Variants in SOX6 observed in about 807,000 individuals in gnomAD.
SOX6 encodes SRY-box transcription factor 6.
In SOX6, 11 loss-of-function variants were observed where a neutral mutation model predicts 97.8. That is an observed-to-expected ratio of 0.11 (90% CI 0.07 to 0.19). The LOEUF (loss-of-function observed/expected upper bound fraction) is 0.19. Ranked by LOEUF, SOX6 falls within the 10% of genes least tolerant of loss-of-function variation. SOX6 has a pLI of 1.00. For synonymous variants in SOX6, 360 were observed against 371.4 expected (o/e 0.97, Z 0.35); for missense variants, 810 against 1,039.5 (o/e 0.78, Z 3.04).
intron 4 of SOX6, among the ~76,000 whole-genome samples, chr11:16,589,914 C>G (rs56224844): frequency 0.016 from 2,385 of 152,206 alleles, 102 homozygotes; most frequent in Non-Finnish European, 0.013. Context: ...TGTGAAACCT[C>G]TTTGAAATTC....
intron 1 of SOX6, among the ~76,000 whole-genome samples, chr11:16,349,374 T>G (rs918142087): frequency 6.6e-6 from 1 of 152,046 alleles, no homozygotes; most frequent in Non-Finnish European, 1.5e-5. Flanking sequence ...CCCAGCACTT[T>G]GGGAAGCTAA....
At chr11:16,358,537 C>T (rs943845626), upstream of SOX6, among the ~76,000 whole-genome samples, 1 of 151,992 alleles carries the variant, frequency 6.6e-6, no homozygotes, top group Admixed American at 6.6e-5. Context: ...ATTCATGTGG[C>T]AGAGCATCAA....
At chr11:16,513,668 G>A (rs930946245) in intron 4 of SOX6, among the ~76,000 whole-genome samples, 1 of 151,952 alleles carries the variant, frequency 6.6e-6, no homozygotes, top group Non-Finnish European at 1.5e-5. Context: ...ACCAGCAAAC[G>A]ATGTAAGGGG....
chr11:16,073,155 T>C (rs1022868438), intron 9 of SOX6, among the ~76,000 whole-genome samples: 1 of 152,124 alleles, frequency 6.6e-6, no homozygotes, highest in Admixed American at 6.5e-5. Context: ...AGTGGCACAT[T>C]GGATAAAGAA....
chr11:16,074,486 A>G (rs779554003), intron 9 of SOX6, among the ~76,000 whole-genome samples: 1 of 152,214 alleles, frequency 6.6e-6, no homozygotes, highest in South Asian at 2.1e-4. Flanking sequence ...GGATTTACAG[A>G]TGGATTCACA....
chr11:16,193,331 C>T (rs539471640), intron 4 of SOX6, among the ~76,000 whole-genome samples: 1 of 151,914 alleles, frequency 6.6e-6, no homozygotes, highest in African/African-American at 2.4e-5. Flanking sequence ...ATGATTGCAT[C>T]GCTGCACCCC....
intron 4 of SOX6, among the ~76,000 whole-genome samples, chr11:16,486,247 C>T (rs1393762686): frequency 6.6e-6 from 1 of 151,960 alleles, no homozygotes; most frequent in Non-Finnish European, 1.5e-5. Flanking sequence ...GACAACCTGA[C>T]CAAAATCAAA....
chr11:16,157,680 T>A (rs1850638477), intron 6 of SOX6, among the ~76,000 whole-genome samples: 1 of 152,048 alleles, frequency 6.6e-6, no homozygotes, highest in Non-Finnish European at 1.5e-5. Context: ...TCCTTCAATA[T>A]CTGGTGCATA....
intron 13 of SOX6, among the ~76,000 whole-genome samples, chr11:16,003,922 T>C (rs558621268): frequency 4.5e-4 from 69 of 151,976 alleles, no homozygotes; most frequent in Admixed American, 1.6e-3. Context: ...TAGAAAAACC[T>C]TGGAAGGATG....
At chr11:16,013,291 A>G (rs1320669686) in intron 13 of SOX6, among the ~76,000 whole-genome samples, 1 of 152,038 alleles carries the variant, frequency 6.6e-6, no homozygotes, top group East Asian at 1.9e-4. Flanking sequence ...TATGGTCAAC[A>G]ATTTAGGTAC....
chr11:16,031,865 A>G (rs567744695), intron 12 of SOX6, among the ~76,000 whole-genome samples: 1 of 152,266 alleles, frequency 6.6e-6, no homozygotes, highest in African/African-American at 2.4e-5. Context: ...GCAGAGACAA[A>G]GAAGTGTGGA....
At chr11:16,077,156 G>A (rs1220517394) in intron 9 of SOX6, among the ~76,000 whole-genome samples, 3 of 152,154 alleles carry the variant, frequency 2.0e-5, no homozygotes, top group Admixed American at 2.0e-4. Context: ...CCTCTGACCA[G>A]GTCCTTCTTC....
intron 2 of SOX6, among the ~76,000 whole-genome samples, chr11:16,721,880 G>A (rs959571019): frequency 1.4e-4 from 21 of 151,644 alleles, no homozygotes; most frequent in African/African-American, 5.1e-4. Flanking sequence ...CCAGAAATAA[G>A]GCTGCACATC....
chr11:16,594,683 G>GTTTTTTTTTTT (rs1565188995), intron 4 of SOX6, among the ~76,000 whole-genome samples: 9 of 47,808 alleles, frequency 1.9e-4, no homozygotes, highest in African/African-American at 6.4e-4. Context: ...TTCGGTTTTT[G>GTTTTTTTTTTT]CTTTTTTTTT....
At chr11:16,511,503 G>GTTTTGT (rs910802698) in intron 4 of SOX6, among the ~76,000 whole-genome samples, 7 of 152,008 alleles carry the variant, frequency 4.6e-5, no homozygotes, top group Non-Finnish European at 8.8e-5. Flanking sequence ...GGCTTTACCT[G>GTTTTGT]TTTTGTTTTT....
At chr11:16,089,288 C>CG (rs1003745355) in intron 9 of SOX6, among the ~76,000 whole-genome samples, 12 of 151,942 alleles carry the variant, frequency 7.9e-5, no homozygotes, top group Admixed American at 7.9e-4. Context: ...TTTAGAAAAC[C>CG]GGGGGGAAAG....
At chr11:16,129,402 C>A (rs1165704993) in intron 6 of SOX6, among the ~76,000 whole-genome samples, 4 of 151,990 alleles carry the variant, frequency 2.6e-5, no homozygotes, top group Non-Finnish European at 5.9e-5. Flanking sequence ...ACATTAAAAT[C>A]TTCTATTATT....
rs181588361 is a variant in SOX6, at chr11:16,128,806, G to A, written c.778-16883C>T. On this transcript the variant is annotated intron_variant, in intron 6 of 15. Transcript: ENST00000683767. ...GACATAACCTGGTGACTAGATATGCGAATTCCAAGTTCAGGAATTTTCATT... is the reference window on the plus strand; with the variant it reads ...GACATAACCTGGTGACTAGATATGCAAATTCCAAGTTCAGGAATTTTCATT... Among the ~76,000 whole-genome samples, 210 of 152,158 alleles carry A rather than the reference G, an allele frequency of 1.4e-3. 1 individual carries two copies. Among genetic ancestry groups the A allele is most frequent in the African/African-American group, 3.4e-3 (140 of 41,532 alleles).
Position 16,734,474 on chromosome 11 carries a change from T to C in SOX6, n.353+1865A>G, listed in dbSNP as rs574154605. Among the ~76,000 whole-genome samples, 4 of 152,318 alleles carry C rather than the reference T, an allele frequency of 2.6e-5. No homozygotes were observed. The East Asian group carries it at 5.8e-4, about 22-fold the overall frequency. ...ATGTCTACCTTCTAACCTCAGGCTC[T>C]TCTTCCTCATTCTATCCTTAAATCT... On this transcript the variant is annotated intron_variant and non_coding_transcript_variant, in intron 2 of 5. Transcript: ENST00000524520.
Sources: gnomAD v4.1 joint callset for allele counts (sites outside exome capture counted in the v4.1 genomes callset) on GRCh38, gnomAD v4.1.1 for gene constraint, MANE v1.5 for transcripts, NCBI Gene and HGNC (gene_info 2026-07-23, HGNC 2026-07-21) for gene names.